The following CLSTN2 variants were observed in gnomAD, a reference collection of about 807,000 sequenced individuals.
CLSTN2 encodes the protein calsyntenin-2.
A neutral mutation model predicts 101.2 loss-of-function variants in CLSTN2; 48 were observed. The observed-to-expected ratio is 0.47, with a 90% CI of 0.38 to 0.60. The LOEUF is 0.60. Among genes scored for constraint, CLSTN2 ranks in the 20% least tolerant of loss-of-function variants. CLSTN2 has a pLI of 0.00. For missense variants in CLSTN2, 1,160 were observed against 1,238.2 expected, an observed-to-expected ratio of 0.94 and a Z score of 0.95; for synonymous variants, 481 against 463.6, an observed-to-expected ratio of 1.04 and a Z score of -0.48.
intron 1 of CLSTN2, among the ~76,000 whole-genome samples, chr3:140,095,575 A>G (rs748884621): frequency 1.3e-5 from 2 of 152,234 alleles, no homozygotes; most frequent in Non-Finnish European, 2.9e-5. Context: ...TCTATCCTAC[A>G]TAATAATTTG....
intron 2 of CLSTN2, among the ~76,000 whole-genome samples, chr3:140,190,450 A>AG (rs1055040541): frequency 4.6e-5 from 7 of 151,520 alleles, no homozygotes; most frequent in Non-Finnish European, 1.0e-4. Flanking sequence ...AAAAAAAAAA[A>AG]AAAAAAAAAA....
chr3:140,127,197 T>C (rs899782179), intron 1 of CLSTN2, among the ~76,000 whole-genome samples: 7 of 152,122 alleles, frequency 4.6e-5, no homozygotes, highest in Non-Finnish European at 8.8e-5. Context: ...AGTAACAATC[T>C]GTGTTACTGA....
chr3:140,051,876 C>T (rs543533800), intron 1 of CLSTN2, among the ~76,000 whole-genome samples: 15 of 152,322 alleles, frequency 9.8e-5, no homozygotes, highest in South Asian at 8.3e-4. Flanking sequence ...AAACAGATCA[C>T]GTGGCCCCCA....
intron 1 of CLSTN2, among the ~76,000 whole-genome samples, chr3:140,037,080 T>C (rs1271433500): frequency 6.6e-6 from 1 of 152,238 alleles, no homozygotes; most frequent in Non-Finnish European, 1.5e-5. Flanking sequence ...AAGTTGGAAT[T>C]ATATAGTACA....
rs372594125 is a variant in CLSTN2, at chr3:140,079,431, A to C, written c.110-96520A>C. Among the ~76,000 whole-genome samples, 9 of 152,316 alleles carry C rather than the reference A, an allele frequency of 5.9e-5. No individual in the cohort carries two copies. The South Asian group carries it at 1.7e-3, about 28-fold the overall frequency. ...ATACTCAAGCAAATGTGGTAGGATC[A>C]TGTACTATGGACACTGTAGAAAAGA... On this transcript the variant is annotated intron_variant, in intron 1 of 16. Transcript: ENST00000458420.
intron 1 of CLSTN2, among the ~76,000 whole-genome samples, chr3:140,151,265 G>A (rs926514079): frequency 5.3e-5 from 8 of 152,012 alleles, no homozygotes; most frequent in East Asian, 1.9e-4. Flanking sequence ...TTAGTGGTTC[G>A]GGGATACCTT....
chr3:139,952,633 A>G (rs114032714), intron 1 of CLSTN2, among the ~76,000 whole-genome samples: 200 of 151,746 alleles, frequency 1.3e-3, no homozygotes, highest in African/African-American at 4.6e-3. Flanking sequence ...AAGTATTTCT[A>G]AAAAAAAATT....
intron 2 of CLSTN2, among the ~76,000 whole-genome samples, chr3:140,181,789 C>T (rs1417415200): frequency 2.0e-5 from 3 of 152,112 alleles, no homozygotes; most frequent in Non-Finnish European, 2.9e-5. Context: ...TTCTGTTTTG[C>T]AAATGAAGAC....
chr3:140,270,259 A>C (rs1027449451), intron 2 of CLSTN2, among the ~76,000 whole-genome samples: 1 of 152,186 alleles, frequency 6.6e-6, no homozygotes, highest in Non-Finnish European at 1.5e-5. Context: ...CACTCAAAGA[A>C]GTCAAGTGAT....
At chr3:140,315,423 A>C (rs781440724) in intron 2 of CLSTN2, among the ~76,000 whole-genome samples, 3 of 152,216 alleles carry the variant, frequency 2.0e-5, no homozygotes, top group Non-Finnish European at 4.4e-5. Context: ...GGCTTCTCTG[A>C]TTTAAAGCCC....
intron 1 of CLSTN2, among the ~76,000 whole-genome samples, chr3:140,124,338 G>C (rs1268498912): frequency 6.6e-6 from 1 of 152,148 alleles, no homozygotes; most frequent in African/African-American, 2.4e-5. Flanking sequence ...GAAGCCATGG[G>C]ATTGTTAGTG....
intron 1 of CLSTN2, among the ~76,000 whole-genome samples, chr3:140,148,945 CTATGGGGGAG>C (rs2009821314): frequency 1.3e-5 from 2 of 152,274 alleles, no homozygotes; most frequent in African/African-American, 4.8e-5. Context: ...CAGTGGTTTA[CTATGGGGGAG>C]AGGCCAGAGT....
intron 1 of CLSTN2, among the ~76,000 whole-genome samples, chr3:139,981,844 G>C (rs1364611900): frequency 3.9e-5 from 6 of 152,166 alleles, no homozygotes; most frequent in Non-Finnish European, 5.9e-5. Flanking sequence ...GTAAGCAAAT[G>C]AAAAAGTGGA....
At chr3:140,212,171 C>A (rs1182582283) in intron 2 of CLSTN2, among the ~76,000 whole-genome samples, 1 of 152,168 alleles carries the variant, frequency 6.6e-6, no homozygotes, top group Non-Finnish European at 1.5e-5. Flanking sequence ...TTGCTGTGAG[C>A]ATTTCCTGAA....
intron 5 of CLSTN2, among the ~76,000 whole-genome samples, chr3:140,435,459 A>G (rs938737986): frequency 3.3e-5 from 5 of 152,102 alleles, no homozygotes; most frequent in African/African-American, 9.7e-5. Flanking sequence ...TGCTGTATCC[A>G]TTTATCTGTT....
intron 1 of CLSTN2, among the ~76,000 whole-genome samples, chr3:140,113,495 A>G (rs534663488): frequency 5.3e-5 from 8 of 152,256 alleles, no homozygotes; most frequent in South Asian, 2.1e-4. Flanking sequence ...GCCCTTCCCA[A>G]TCTCCTGTCC....
At chr3:140,320,074 T>G (rs933861243) in intron 2 of CLSTN2, among the ~76,000 whole-genome samples, 11 of 152,246 alleles carry the variant, frequency 7.2e-5, no homozygotes, top group African/African-American at 2.4e-4. Flanking sequence ...TGGCCAGGTC[T>G]GACTGCTAAC....
At chr3:140,309,677 A>G (rs1425161746) in intron 2 of CLSTN2, among the ~76,000 whole-genome samples, 1 of 152,092 alleles carries the variant, frequency 6.6e-6, no homozygotes. Flanking sequence ...CACAGCTAAA[A>G]GAACCAGACA....
intron 1 of CLSTN2, among the ~76,000 whole-genome samples, chr3:140,072,354 A>G (rs1373556597): frequency 1.3e-5 from 2 of 152,192 alleles, no homozygotes; most frequent in African/African-American, 4.8e-5. Flanking sequence ...TGTTTCTCTA[A>G]TATGTGCAAC....
Sources: gnomAD v4.1 joint callset for allele counts (sites outside exome capture counted in the v4.1 genomes callset) on GRCh38, gnomAD v4.1.1 for gene constraint, MANE v1.5 for transcripts, NCBI Gene and HGNC (gene_info 2026-07-23, HGNC 2026-07-21) for gene names.